SPOCK1: variants seen among roughly 807,000 people sequenced by gnomAD.
SPOCK1 encodes SPARC (osteonectin), cwcv and kazal like domains proteoglycan 1.
SPOCK1 carries 23 observed loss-of-function variants against 55.3 expected under a neutral mutation model. That is an observed-to-expected ratio of 0.42 (90% CI 0.30 to 0.59). The LOEUF (loss-of-function observed/expected upper bound fraction) is 0.59. SPOCK1 is among the 20% of genes least tolerant of loss of function. The pLI, the probability that SPOCK1 is intolerant of heterozygous loss-of-function variation, is 0.22. For missense variants in SPOCK1, 499 were observed against 552.5 expected, an observed-to-expected ratio of 0.90 and a Z score of 0.97; for synonymous variants, 226 against 221.0, an observed-to-expected ratio of 1.02 and a Z score of -0.20.
chr5:136,985,184 T>C lies in SPOCK1; in HGVS notation c.947A>G (p.Glu316Gly). Residue 316 changes from glutamate (E) to glycine (G), a missense_variant, in exon 9 of 11, where the codon GAA becomes GGA. Physicochemically the swap from Glu to Gly is moderately conservative, Grantham distance 98. Transcript: ENST00000394945. Reference protein sequence around the residue: ...QKPGGLPCQNEMNRIQKLSKG... With the variant: ...QKPGGLPCQNGMNRIQKLSKG... ...ACTCAGCTTCTGAATTCTGTTCATT[T>C]CATTCTGGCAAGGGAGACCTAAAAA... is the stretch of plus-strand genomic sequence containing the variant. 6.2e-7 allele frequency: 1 copy of C among 1,614,192 alleles called. No homozygotes were observed. Among genetic ancestry groups the C allele is most frequent in the Non-Finnish European group, 8.5e-7 (1 of 1,179,986 alleles).
intron 3 of SPOCK1, among the ~76,000 whole-genome samples, chr5:137,237,092 C>G (rs888988620): frequency 6.6e-6 from 1 of 152,150 alleles, no homozygotes; most frequent in East Asian, 1.9e-4. Context: ...TGTAAATCAG[C>G]GATGCCAATG....
At chr5:137,141,369 G>A (rs1003216239) in intron 3 of SPOCK1, among the ~76,000 whole-genome samples, 6 of 152,184 alleles carry the variant, frequency 3.9e-5, no homozygotes, top group African/African-American at 9.6e-5. Flanking sequence ...CTTCATTCAT[G>A]CCTAAGTTTA....
intron 3 of SPOCK1, among the ~76,000 whole-genome samples, chr5:137,195,073 AC>A (rs1211297675): frequency 6.6e-6 from 1 of 152,132 alleles, no homozygotes; most frequent in African/African-American, 2.4e-5. Flanking sequence ...AATTAAATTC[AC>A]CACACGGCAA....
rs192060422 is a variant in SPOCK1 at position 137,160,659 on chromosome 5, C to T, written c.233-19965G>A. 7.5e-3 allele frequency among the ~76,000 whole-genome samples: 533 copies of T among 70,816 alleles called. 11 individuals carry two copies. The highest frequency in any genetic ancestry group is 0.026 in the Middle Eastern group (4 of 156). The allele number at this position is 70,816 out of a possible 152,430, so 46.5% of individuals were successfully genotyped here. A position where few individuals can be genotyped will look rare whatever the true frequency, so the allele number is the denominator to read the frequency against. On this transcript the variant is annotated intron_variant, in intron 3 of 10. Coordinates refer to ENST00000394945, the MANE Select transcript of SPOCK1 (RefSeq NM_004598.4). Reference sequence around the variant, plus strand: ...TATAATATATATTTTATATAATATACAATATATAATATATAATATATGTTA... The same window carrying T: ...TATAATATATATTTTATATAATATATAATATATAATATATAATATATGTTA...
intron 2 of SPOCK1, among the ~76,000 whole-genome samples, chr5:137,317,007 A>G (rs1757891681): frequency 6.6e-6 from 1 of 152,156 alleles, no homozygotes; most frequent in Admixed American, 6.6e-5. Context: ...CCAAGCTGAT[A>G]AGAGCTCTGA....
intron 2 of SPOCK1, among the ~76,000 whole-genome samples, chr5:137,363,583 T>C (rs1030813093): frequency 6.6e-6 from 1 of 152,166 alleles, no homozygotes; most frequent in African/African-American, 2.4e-5. Context: ...CTCACCTGTA[T>C]ACAAAAGTTA....
chr5:137,037,584 A>G (rs968797027), intron 6 of SPOCK1, among the ~76,000 whole-genome samples: 7 of 152,188 alleles, frequency 4.6e-5, no homozygotes, highest in African/African-American at 1.7e-4. Flanking sequence ...AAAGTGTATA[A>G]TCACCACTGT....
intron 3 of SPOCK1, among the ~76,000 whole-genome samples, chr5:137,193,994 C>T (rs1755241829): frequency 6.6e-6 from 1 of 152,166 alleles, no homozygotes; most frequent in Non-Finnish European, 1.5e-5. Context: ...TCAGGCTACC[C>T]TAGCCCCAAA....
intron 6 of SPOCK1, among the ~76,000 whole-genome samples, chr5:137,053,120 A>C (rs1752235696): frequency 6.6e-6 from 1 of 152,150 alleles, no homozygotes; most frequent in Admixed American, 6.5e-5. Context: ...GGACATTCTA[A>C]GCCCTTTAGC....
At chr5:137,099,339 G>A (rs962828637) in intron 5 of SPOCK1, among the ~76,000 whole-genome samples, 1 of 152,146 alleles carries the variant, frequency 6.6e-6, no homozygotes, top group Non-Finnish European at 1.5e-5. Context: ...GAGGTATAAT[G>A]GGTTGGGGCA....
chr5:137,410,231 A>G, intron 2 of SPOCK1, among the ~76,000 whole-genome samples: 1 of 152,192 alleles, frequency 6.6e-6, no homozygotes, highest in East Asian at 1.9e-4. Flanking sequence ...CTGGTTTATT[A>G]CAACATCTTT....
At chr5:137,445,848 AATAG>A (rs1393384460) in intron 2 of SPOCK1, among the ~76,000 whole-genome samples, 1 of 152,170 alleles carries the variant, frequency 6.6e-6, no homozygotes, top group Non-Finnish European at 1.5e-5. Flanking sequence ...ACTTCAAGCT[AATAG>A]ATATATTATG....
intron 4 of SPOCK1, among the ~76,000 whole-genome samples, chr5:137,114,965 A>G (rs977753759): frequency 1.3e-5 from 2 of 152,252 alleles, no homozygotes; most frequent in African/African-American, 4.8e-5. Context: ...AGCCAAAGTC[A>G]AGGGAGGGAG....
At chr5:137,321,242 G>A (rs771592579) in intron 2 of SPOCK1, among the ~76,000 whole-genome samples, 1 of 150,912 alleles carries the variant, frequency 6.6e-6, no homozygotes, top group Non-Finnish European at 1.5e-5. Flanking sequence ...CCTACTATGG[G>A]ACACCACAGA....
At chr5:137,175,800 C>T (rs1365965584) in intron 3 of SPOCK1, among the ~76,000 whole-genome samples, 2 of 152,130 alleles carry the variant, frequency 1.3e-5, no homozygotes, top group African/African-American at 4.8e-5. Context: ...CCATCCAGCC[C>T]CACCAATCTC....
At chr5:137,438,650 G>GCACACACA (rs3072679) in intron 2 of SPOCK1, among the ~76,000 whole-genome samples, 3 of 150,692 alleles carry the variant, frequency 2.0e-5, no homozygotes, top group African/African-American at 4.9e-5. Context: ...ATTTGCATAT[G>GCACACACA]CACACACACA....
intron 6 of SPOCK1, among the ~76,000 whole-genome samples, chr5:137,009,269 G>A (rs1751307635): frequency 6.6e-6 from 1 of 152,160 alleles, no homozygotes; most frequent in South Asian, 2.1e-4. Flanking sequence ...GAAGTAGCAT[G>A]TATAAGGCTA....
intron 2 of SPOCK1, among the ~76,000 whole-genome samples, chr5:137,450,018 A>T (rs1437411050): frequency 6.6e-6 from 1 of 152,092 alleles, no homozygotes. Flanking sequence ...ATAAAAAAAA[A>T]CTCTATAGAA....
intron 5 of SPOCK1, among the ~76,000 whole-genome samples, chr5:137,100,082 C>T (rs182170483): frequency 3.9e-5 from 6 of 152,152 alleles, no homozygotes; most frequent in Admixed American, 6.5e-5. Flanking sequence ...TGGATTTCCA[C>T]GTGTACAACA....
Sources: allele counts gnomAD v4.1 joint callset (sites outside exome capture counted in the v4.1 genomes callset), GRCh38; gene constraint gnomAD v4.1.1; transcripts MANE v1.5; gene names NCBI Gene and HGNC (gene_info 2026-07-23, HGNC 2026-07-21).